The following LARP4B variants were observed in gnomAD, a reference collection of about 807,000 sequenced individuals.
LARP4B encodes the protein La ribonucleoprotein 4B, also known as la-related protein 4B.
LARP4B carries 12 observed loss-of-function variants against 89.8 expected under a neutral mutation model. That is an observed-to-expected ratio of 0.13 (90% CI 0.09 to 0.22). LARP4B has a LOEUF of 0.22. LARP4B is among the 10% of genes least tolerant of loss of function. The probability of loss-of-function intolerance (pLI) is 1.00; values close to 1 mark genes in which losing one functional copy is unlikely to be tolerated. For missense variants in LARP4B, 757 were observed against 947.7 expected (o/e 0.80, Z 2.64); for synonymous variants, 367 against 363.3 (o/e 1.01, Z -0.12).
At chr10:820,696 T>C in intron 14 of LARP4B, 104 bp downstream of exon 14, 1 of 1,023,664 alleles carries the variant, frequency 9.8e-7, no homozygotes, top group Middle Eastern at 2.3e-4. Context: ...TCTTTTGAAA[T>C]GCTCATTCTT....
intron 6 of LARP4B, among the ~76,000 whole-genome samples, chr10:844,122 A>G (rs1833661286): frequency 6.6e-6 from 1 of 152,256 alleles, no homozygotes; most frequent in Admixed American, 6.5e-5. Flanking sequence ...AACGGAGGCC[A>G]TGCAGGAGGA....
At chr10:987,577 A>T in the LARP4B span, 1 of 152,350 alleles carries the variant, frequency 6.6e-6, no homozygotes, top group South Asian at 2.1e-4. Context: ...CTGTTGCAGA[A>T]ATTAAACGAG....
the LARP4B span, among the ~76,000 whole-genome samples, chr10:950,158 T>C: frequency 3.9e-5 from 6 of 152,240 alleles, no homozygotes; most frequent in Non-Finnish European, 8.8e-5. Context: ...GTAGTCTGAA[T>C]ATATTCAGAA....
chr10:838,701 G>C (rs1022462194), intron 7 of LARP4B, among the ~76,000 whole-genome samples: 8 of 152,130 alleles, frequency 5.3e-5, no homozygotes, highest in African/African-American at 1.4e-4. Flanking sequence ...GAGACACTTT[G>C]GTGGCTTCTT....
At chr10:858,038 T>C (rs1176189748) in intron 5 of LARP4B, among the ~76,000 whole-genome samples, 1 of 152,164 alleles carries the variant, frequency 6.6e-6, no homozygotes, top group Admixed American at 6.5e-5. Context: ...AAAATTCTCT[T>C]TAAAATTAAA....
the LARP4B span, among the ~76,000 whole-genome samples, chr10:961,761 G>T: frequency 2.0e-5 from 3 of 152,156 alleles, no homozygotes; most frequent in African/African-American, 7.2e-5. Context: ...GCTCTTGGGG[G>T]AACTCATAGA....
At chr10:979,040 T>C in the LARP4B span, among the ~76,000 whole-genome samples, 1 of 152,332 alleles carries the variant, frequency 6.6e-6, no homozygotes, top group Middle Eastern at 3.4e-3. Context: ...GCAATCTGGC[T>C]TTTCCTTTCA....
chr10:869,318 C>T (rs371594585), intron 3 of LARP4B, among the ~76,000 whole-genome samples: 4 of 152,112 alleles, frequency 2.6e-5, no homozygotes, highest in African/African-American at 9.7e-5. Flanking sequence ...ACACTGCCCA[C>T]GAGATAAGAT....
At position 884,491 on chromosome 10, in the gene LARP4B, A is replaced by T. The variant is rs779330550; in HGVS notation, c.97T>A (p.Ser33Thr). Reference protein sequence around the residue: ...DSAHLMNGPISQTTSQTSSIP... With the variant: ...DSAHLMNGPITQTTSQTSSIP... ...GAACTTGTCTGAGAAGTGGTTTGAGATATAGGACCATTCATCTGTAAAATT... is the reference window on the plus strand; with the variant it reads ...GAACTTGTCTGAGAAGTGGTTTGAGTTATAGGACCATTCATCTGTAAAATT... The change falls in exon 3 of 18, where the codon TCT becomes ACT. Residue 33 changes from serine to threonine, a missense_variant. Ser to Thr is a moderately conservative substitution (Grantham distance 58). Coordinates refer to ENST00000316157, the MANE Select transcript of LARP4B (RefSeq NM_015155.3). 3.7e-6 allele frequency: 6 copies of T among 1,602,292 alleles called. No homozygotes were observed. The highest frequency in any genetic ancestry group is 5.1e-6 in the Non-Finnish European group (6 of 1,169,442).
At chr10:977,761 T>C in the LARP4B span, among the ~76,000 whole-genome samples, 1 of 152,202 alleles carries the variant, frequency 6.6e-6, no homozygotes, top group Non-Finnish European at 1.5e-5. Context: ...GCATAGGTTA[T>C]ATGCAAATAC....
the LARP4B span, among the ~76,000 whole-genome samples, chr10:977,528 A>G: frequency 5.3e-5 from 8 of 151,714 alleles, no homozygotes; most frequent in African/African-American, 1.7e-4. Flanking sequence ...CTGGGCTACA[A>G]AGCAAGATCC....
At chr10:852,175 C>A (rs886867823) in intron 5 of LARP4B, among the ~76,000 whole-genome samples, 1 of 152,182 alleles carries the variant, frequency 6.6e-6, no homozygotes, top group Non-Finnish European at 1.5e-5. Flanking sequence ...AATACGTAAC[C>A]TCTTCCAAAA....
At chr10:823,756 C>T (rs1832476349) in intron 13 of LARP4B, among the ~76,000 whole-genome samples, 5 of 152,042 alleles carry the variant, frequency 3.3e-5, no homozygotes, top group South Asian at 4.2e-4. Flanking sequence ...GAACCCCAAA[C>T]TGAGACCCAG....
At chr10:847,512 T>C (rs1833831293) in intron 5 of LARP4B, among the ~76,000 whole-genome samples, 1 of 151,214 alleles carries the variant, frequency 6.6e-6, no homozygotes, top group African/African-American at 2.4e-5. Flanking sequence ...CTATGTGACA[T>C]GAAACTTTTT....
At chr10:959,935 G>C in the LARP4B span, among the ~76,000 whole-genome samples, 67 of 142,126 alleles carry the variant, frequency 4.7e-4, no homozygotes, top group Admixed American at 1.7e-3. Context: ...CCACCTCCTC[G>C]TCAATCCCAC....
chr10:844,738 G>A (rs1051775232), intron 6 of LARP4B, among the ~76,000 whole-genome samples: 1 of 151,684 alleles, frequency 6.6e-6, no homozygotes, highest in Admixed American at 6.6e-5. Flanking sequence ...AGGGCGGGCG[G>A]GGCACTTTAG....
chr10:835,738 G>C (rs1189234613), intron 8 of LARP4B, among the ~76,000 whole-genome samples: 2 of 152,172 alleles, frequency 1.3e-5, no homozygotes, highest in African/African-American at 4.8e-5. Flanking sequence ...TTCCAGACCA[G>C]CCTGGCCAAG....
rs552195490 is a variant in LARP4B at position 847,703 on chromosome 10, G to A, written c.431-2648C>T. On this transcript the variant is annotated intron_variant, in intron 5 of 17. Coordinates refer to ENST00000316157, the MANE Select transcript of LARP4B (RefSeq NM_015155.3). Reference sequence around the variant, plus strand: ...CACCAGGCCCAGCTAATTTTTTTTGGTATTTTTAGTAGAGACAGGGTTTCA... The same window carrying A: ...CACCAGGCCCAGCTAATTTTTTTTGATATTTTTAGTAGAGACAGGGTTTCA... 2.6e-3 allele frequency among the ~76,000 whole-genome samples: 391 copies of A among 151,850 alleles called. 2 individuals carry two copies. The highest frequency in any genetic ancestry group is 8.7e-3 in the African/African-American group (361 of 41,422).
At chr10:885,607 T>C (rs770110505) in intron 2 of LARP4B, 34 bp downstream of exon 2, 14 of 1,543,760 alleles carry the variant, frequency 9.1e-6, no homozygotes, top group Non-Finnish European at 1.1e-5. Flanking sequence ...AAAAAAGCAA[T>C]GGACTCCCCA....
Sources: allele counts gnomAD v4.1 joint callset (sites outside exome capture counted in the v4.1 genomes callset), GRCh38; gene constraint gnomAD v4.1.1; transcripts MANE v1.5; gene names NCBI Gene and HGNC (gene_info 2026-07-23, HGNC 2026-07-21).